GPM6A: variants seen among roughly 807,000 people sequenced by gnomAD.
GPM6A encodes the protein neuronal membrane glycoprotein M6-a.
GPM6A carries 7 observed loss-of-function variants against 32.1 expected under a neutral mutation model. The observed-to-expected ratio is 0.22, with a 90% CI of 0.12 to 0.41. The LOEUF (loss-of-function observed/expected upper bound fraction) is 0.41. Ranked by LOEUF, GPM6A falls within the 10% of genes least tolerant of loss-of-function variation. GPM6A has a pLI of 1.00. For synonymous variants in GPM6A, 130 were observed against 123.4 expected, an observed-to-expected ratio of 1.05 and a Z score of -0.35; for missense variants, 235 against 347.2, an observed-to-expected ratio of 0.68 and a Z score of 2.57.
intron 1 of GPM6A, among the ~76,000 whole-genome samples, chr4:175,796,304 G>T (rs1429704395): frequency 6.6e-6 from 1 of 152,028 alleles, no homozygotes; most frequent in Non-Finnish European, 1.5e-5. Context: ...GGACAAGGAG[G>T]CGATATAACA....
chr4:175,936,306 CAAAAAAAAAAAAAAAAA>C (rs35653197), intron 1 of GPM6A, among the ~76,000 whole-genome samples: 2 of 45,576 alleles, frequency 4.4e-5, no homozygotes, highest in Non-Finnish European at 3.7e-5. Context: ...ACTCTGTCTC[CAAAAAAAAAAAAAAAAA>C]AAAAAAAAAA....
At chr4:175,701,192 T>G (rs1251738395) in intron 2 of GPM6A, among the ~76,000 whole-genome samples, 2 of 152,090 alleles carry the variant, frequency 1.3e-5, no homozygotes, top group Admixed American at 6.5e-5. Context: ...GGAGCACCCA[T>G]GGAGCTTTGC....
chr4:175,671,229 C>T (rs1384232906), intron 3 of GPM6A, among the ~76,000 whole-genome samples: 2 of 151,406 alleles, frequency 1.3e-5, no homozygotes, highest in Non-Finnish European at 2.9e-5. Flanking sequence ...ACTTTTTATG[C>T]AGCAGAGAGA....
intron 1 of GPM6A, among the ~76,000 whole-genome samples, chr4:175,974,108 CT>C (rs1740588480): frequency 1.3e-5 from 2 of 152,014 alleles, no homozygotes; most frequent in South Asian, 4.1e-4. Flanking sequence ...TGGCGCACAC[CT>C]GTAATCCCAG....
At chr4:175,952,003 C>T (rs1739831196) in intron 1 of GPM6A, among the ~76,000 whole-genome samples, 1 of 152,254 alleles carries the variant, frequency 6.6e-6, no homozygotes, top group Non-Finnish European at 1.5e-5. Context: ...TTTGGACTCA[C>T]CAGCCTCCAT....
intron 1 of GPM6A, among the ~76,000 whole-genome samples, chr4:175,870,488 A>C (rs376346753): frequency 6.6e-6 from 1 of 152,340 alleles, no homozygotes; most frequent in East Asian, 1.9e-4. Context: ...TACAACAATA[A>C]AAATAATGTA....
chr4:175,736,476 C>T (rs997830057), intron 1 of GPM6A, among the ~76,000 whole-genome samples: 9 of 151,936 alleles, frequency 5.9e-5, no homozygotes, highest in South Asian at 2.1e-4. Context: ...AAAATATTAA[C>T]GATATCAAGG....
At chr4:175,869,247 T>C (rs1372272173) in intron 1 of GPM6A, among the ~76,000 whole-genome samples, 2 of 152,202 alleles carry the variant, frequency 1.3e-5, no homozygotes, top group African/African-American at 4.8e-5. Context: ...ACAGTTGTAA[T>C]CATACTTTAT....
intron 1 of GPM6A, among the ~76,000 whole-genome samples, chr4:175,956,293 TATAG>T (rs1739983300): frequency 6.6e-6 from 1 of 152,174 alleles, no homozygotes; most frequent in African/African-American, 2.4e-5. Flanking sequence ...TTAGAGAAAT[TATAG>T]ATAATTTTTG....
At chr4:175,872,628 A>G (rs1736947212) in intron 1 of GPM6A, 1 of 152,232 alleles carries the variant, frequency 6.6e-6, no homozygotes, top group Non-Finnish European at 1.5e-5. Flanking sequence ...AAATACTCCC[A>G]TCTTTAAAGT....
At chr4:175,951,165 G>A (rs1181857999) in intron 1 of GPM6A, among the ~76,000 whole-genome samples, 1 of 151,994 alleles carries the variant, frequency 6.6e-6, no homozygotes, top group African/African-American at 2.4e-5. Context: ...CCTGCCTACT[G>A]AACTCCCCAT....
At chr4:175,883,833 T>A (rs561866678) in intron 1 of GPM6A, among the ~76,000 whole-genome samples, 1 of 152,318 alleles carries the variant, frequency 6.6e-6, no homozygotes, top group East Asian at 1.9e-4. Context: ...TTACACAAAC[T>A]GAAAACAATT....
chr4:175,661,524 TA>T (rs1742416243), intron 3 of GPM6A, among the ~76,000 whole-genome samples: 1 of 152,108 alleles, frequency 6.6e-6, no homozygotes, highest in Non-Finnish European at 1.5e-5. Context: ...AAGGCCATGC[TA>T]AAATGTAATT....
At chr4:175,944,431 A>C (rs1339739383) in intron 1 of GPM6A, among the ~76,000 whole-genome samples, 14 of 152,194 alleles carry the variant, frequency 9.2e-5, no homozygotes, top group Admixed American at 9.2e-4. Context: ...TTTCTTTTTA[A>C]GTGTTTGTAA....
chr4:175,759,465 G>A (rs1053511838), intron 1 of GPM6A, among the ~76,000 whole-genome samples: 5 of 151,978 alleles, frequency 3.3e-5, no homozygotes, highest in Admixed American at 1.3e-4. Flanking sequence ...AATAATTTTT[G>A]TTATGAATTT....
At chr4:175,744,155 A>G (rs1262348895) in intron 1 of GPM6A, among the ~76,000 whole-genome samples, 2 of 152,104 alleles carry the variant, frequency 1.3e-5, no homozygotes, top group Admixed American at 6.6e-5. Flanking sequence ...TTTGAAATAT[A>G]CAATGTTTCC....
intron 1 of GPM6A, among the ~76,000 whole-genome samples, chr4:175,705,817 T>C (rs1745158875): frequency 6.6e-6 from 1 of 152,134 alleles, no homozygotes; most frequent in Admixed American, 6.6e-5. Flanking sequence ...GAGAAGATAT[T>C]TTTTTCTTGA....
intron 1 of GPM6A, chr4:175,962,540 C>T: frequency 2.1e-6 from 1 of 469,896 alleles, no homozygotes; most frequent in Non-Finnish European, 4.1e-6. Flanking sequence ...AAGGACATCC[C>T]TGTACTCTCT....
chr4:175,819,464 T>C (rs1313971502), intron 1 of GPM6A, among the ~76,000 whole-genome samples: 1 of 152,130 alleles, frequency 6.6e-6, no homozygotes, highest in Non-Finnish European at 1.5e-5. Flanking sequence ...ATAGGTGCAA[T>C]TATATTAATA....
Sources: allele counts gnomAD v4.1 joint callset (sites outside exome capture counted in the v4.1 genomes callset), GRCh38; gene constraint gnomAD v4.1.1; transcripts MANE v1.5; gene names NCBI Gene and HGNC (gene_info 2026-07-23, HGNC 2026-07-21).